Variants in COL19A1 observed in about 807,000 individuals in gnomAD.
COL19A1 encodes collagen alpha-1(XIX) chain.
Under a neutral mutation model 190.2 loss-of-function variants are expected in COL19A1, and 159 were observed. The observed-to-expected ratio is 0.84, with a 90% confidence interval of 0.73 to 0.95. The LOEUF is 0.95. COL19A1 is among the 40% of genes least tolerant of loss of function. The pLI, the probability that COL19A1 is intolerant of heterozygous loss-of-function variation, is 0.00. For missense variants in COL19A1, 1,418 were observed against 1,431.9 expected, an observed-to-expected ratio of 0.99 and a Z score of 0.16; for synonymous variants, 509 against 458.9, an observed-to-expected ratio of 1.11 and a Z score of -1.39.
intron 31 of COL19A1, 146 bp downstream of exon 31, chr6:70,151,584 A>T: frequency 1.4e-6 from 1 of 694,428 alleles, no homozygotes; most frequent in Non-Finnish European, 2.5e-6. Context: ...AGGAAAATAA[A>T]CATGTATCTT....
At chr6:69,996,250 T>C (rs1175745635) in intron 11 of COL19A1, among the ~76,000 whole-genome samples, 2 of 152,146 alleles carry the variant, frequency 1.3e-5, no homozygotes, top group Non-Finnish European at 2.9e-5. Context: ...GAAAAAGACA[T>C]GTATATTCGG....
chr6:70,029,084 A>G (rs889349631), intron 12 of COL19A1, among the ~76,000 whole-genome samples: 1 of 152,138 alleles, frequency 6.6e-6, no homozygotes, highest in African/African-American at 2.4e-5. Flanking sequence ...CCTTATACCA[A>G]TGCAATCTGT....
chr6:70,035,556 C>T (rs747055720), intron 13 of COL19A1, among the ~76,000 whole-genome samples: 15 of 152,206 alleles, frequency 9.9e-5, no homozygotes, highest in South Asian at 2.1e-4. Context: ...AATTATCTAT[C>T]GCCGTGACAC....
intron 19 of COL19A1, among the ~76,000 whole-genome samples, chr6:70,139,186 T>G (rs1288618961): frequency 6.6e-6 from 1 of 152,144 alleles, no homozygotes; most frequent in African/African-American, 2.4e-5. Context: ...TGATTCTAAG[T>G]CAGTAGGTTT....
intron 16 of COL19A1, among the ~76,000 whole-genome samples, chr6:70,108,420 T>C (rs1447017546): frequency 6.6e-6 from 1 of 152,148 alleles, no homozygotes; most frequent in Non-Finnish European, 1.5e-5. Context: ...TCAAAAAATT[T>C]TGTAACATGG....
intron 12 of COL19A1, among the ~76,000 whole-genome samples, chr6:70,030,516 T>C (rs918096947): frequency 2.0e-5 from 3 of 152,164 alleles, no homozygotes; most frequent in Non-Finnish European, 2.9e-5. Context: ...TTTCCTTCCA[T>C]GCTTAAAAAT....
At chr6:70,137,585 G>A (rs1785948053) in intron 18 of COL19A1, 100 bp from the exon 19 acceptor site, 1 of 1,073,238 alleles carries the variant, frequency 9.3e-7, no homozygotes, top group Non-Finnish European at 1.4e-6. Flanking sequence ...TAGATAAATT[G>A]TATAGTTAGC....
At chr6:70,156,814 G>A in intron 34 of COL19A1, 91 bp downstream of exon 34, 1 of 917,404 alleles carries the variant, frequency 1.1e-6, no homozygotes, top group Non-Finnish European at 1.6e-6. Context: ...CTATAGCTCA[G>A]ATCTGATGCT....
intron 11 of COL19A1, among the ~76,000 whole-genome samples, chr6:69,963,543 A>G (rs1215207902): frequency 1.3e-5 from 2 of 152,156 alleles, no homozygotes; most frequent in Non-Finnish European, 2.9e-5. Context: ...TCAGGGCAAT[A>G]AACACCTCCA....
chr6:70,062,550 G>T (rs1248562134), intron 14 of COL19A1, among the ~76,000 whole-genome samples: 1 of 152,102 alleles, frequency 6.6e-6, no homozygotes, highest in African/African-American at 2.4e-5. Context: ...AGACCATCAA[G>T]TCTAGGAAGA....
intron 49 of COL19A1, among the ~76,000 whole-genome samples, chr6:70,200,639 T>C (rs1767490088): frequency 6.6e-6 from 1 of 152,156 alleles, no homozygotes; most frequent in Non-Finnish European, 1.5e-5. Context: ...CAAAATAATA[T>C]ATATGCAAAG....
At chr6:70,160,414 AT>A (rs1787726155) in intron 34 of COL19A1, among the ~76,000 whole-genome samples, 1 of 152,124 alleles carries the variant, frequency 6.6e-6, no homozygotes, top group Non-Finnish European at 1.5e-5. Context: ...TTGAGATGAG[AT>A]TTGGGTAGAG....
intron 11 of COL19A1, among the ~76,000 whole-genome samples, chr6:70,010,074 A>G (rs1403133937): frequency 6.6e-6 from 1 of 152,252 alleles, no homozygotes; most frequent in Non-Finnish European, 1.5e-5. Context: ...TCAATCAATG[A>G]AAGAAATAGT....
At chr6:70,076,976 G>A (rs771305418) in intron 15 of COL19A1, among the ~76,000 whole-genome samples, 6 of 152,178 alleles carry the variant, frequency 3.9e-5, no homozygotes, top group Non-Finnish European at 7.3e-5. Flanking sequence ...ATATATGTGT[G>A]GATGGCTGCC....
At chr6:70,043,823 T>G (rs569641536) in intron 14 of COL19A1, among the ~76,000 whole-genome samples, 60 of 152,296 alleles carry the variant, frequency 3.9e-4, no homozygotes, top group African/African-American at 1.4e-3. Flanking sequence ...ATTTTCAGAA[T>G]GAGGATTGGC....
intron 30 of COL19A1, among the ~76,000 whole-genome samples, chr6:70,150,743 G>C (rs958040870): frequency 6.6e-6 from 1 of 152,096 alleles, no homozygotes; most frequent in Non-Finnish European, 1.5e-5. Flanking sequence ...GCCTTTATAA[G>C]CTATGTGTGG....
chr6:69,869,111 T>C (rs1285022775), intron 1 of COL19A1, among the ~76,000 whole-genome samples: 1 of 151,478 alleles, frequency 6.6e-6, no homozygotes, highest in African/African-American at 2.4e-5. Flanking sequence ...ATGTACATCT[T>C]AAACAGGCAG....
At chr6:70,035,176 G>C (rs531123009) in intron 13 of COL19A1, among the ~76,000 whole-genome samples, 112 of 152,306 alleles carry the variant, frequency 7.4e-4, no homozygotes, top group Non-Finnish European at 1.1e-3. Flanking sequence ...AATAAGAACC[G>C]TGGAAAGGAT....
intron 9 of COL19A1, among the ~76,000 whole-genome samples, chr6:69,939,845 G>A (rs568319852): frequency 6.6e-4 from 100 of 152,036 alleles, no homozygotes; most frequent in African/African-American, 2.4e-3. Context: ...TATCTGCAAC[G>A]GAAGGTGTTC....
Sources: allele counts gnomAD v4.1 joint callset (sites outside exome capture counted in the v4.1 genomes callset), GRCh38; gene constraint gnomAD v4.1.1; transcripts MANE v1.5; gene names NCBI Gene and HGNC (gene_info 2026-07-23, HGNC 2026-07-21).